Variants in PDE4D observed in about 807,000 individuals in gnomAD.
PDE4D encodes the protein phosphodiesterase 4D.
PDE4D carries 24 observed loss-of-function variants against 87.4 expected under a neutral mutation model. The ratio of observed to expected loss-of-function variants is 0.27; its 90% CI spans 0.20 to 0.39. PDE4D has a LOEUF of 0.39. Ranked by LOEUF, PDE4D falls within the 10% of genes least tolerant of loss-of-function variation. The pLI, the probability that PDE4D is intolerant of heterozygous loss-of-function variation, is 1.00. For missense variants in PDE4D, 714 were observed against 1,041.0 expected (o/e 0.69, Z 4.32); for synonymous variants, 384 against 383.2 (o/e 1.00, Z -0.02).
chr5:59,172,512 C>T (rs147786321), intron 5 of PDE4D, among the ~76,000 whole-genome samples: 6 of 148,642 alleles, frequency 4.0e-5, no homozygotes, highest in South Asian at 4.2e-4. Context: ...CTGGGCAACA[C>T]GGCAAAACGC....
intron 2 of PDE4D, among the ~76,000 whole-genome samples, chr5:59,214,304 T>C (rs1237313521): frequency 1.3e-5 from 2 of 152,184 alleles, no homozygotes; most frequent in African/African-American, 4.8e-5. Context: ...CCTCTGTGGC[T>C]CTCAGGTCCC....
intron 1 of PDE4D, among the ~76,000 whole-genome samples, chr5:59,462,100 G>T (rs1800867468): frequency 6.6e-6 from 1 of 152,026 alleles, no homozygotes; most frequent in South Asian, 2.1e-4. Context: ...TGTTTAGAAT[G>T]ATCAAATTAA....
chr5:59,358,838 G>A (rs1582145304), intron 1 of PDE4D, among the ~76,000 whole-genome samples: 1 of 152,116 alleles, frequency 6.6e-6, no homozygotes, highest in East Asian at 1.9e-4. Flanking sequence ...CTCTCATTTT[G>A]TCCAGTGGTG....
At chr5:59,117,394 T>G (rs1185506186) in intron 5 of PDE4D, among the ~76,000 whole-genome samples, 1 of 152,134 alleles carries the variant, frequency 6.6e-6, no homozygotes, top group East Asian at 1.9e-4. Flanking sequence ...AGACCAAGGC[T>G]TTCATGGCCT....
At position 59,086,810 on chromosome 5, in the gene PDE4D, G is replaced by C. The variant is rs530693182; in HGVS notation, c.809-47839C>G. 3.3e-5 allele frequency among the ~76,000 whole-genome samples: 5 copies of C among 152,232 alleles called. No individual in the cohort carries two copies. In the South Asian group the frequency reaches 1.0e-3, roughly 32 times the overall value. On this transcript the variant is annotated intron_variant, in intron 5 of 14. Transcript: ENST00000340635. ...AAAATCCTGGAAGTCACCAAGTTCT[G>C]TCTATTTTACTCTATAAATAACTAT...
intron 1 of PDE4D, among the ~76,000 whole-genome samples, chr5:59,812,672 C>CAA (rs34526503): frequency 1.4e-3 from 193 of 138,374 alleles, no homozygotes; most frequent in East Asian, 6.2e-4. Context: ...GACTCCATCT[C>CAA]AAAAAAAAAA....
intron 1 of PDE4D, among the ~76,000 whole-genome samples, chr5:60,433,065 CA>C (rs1744481317): frequency 6.6e-6 from 1 of 152,024 alleles, no homozygotes; most frequent in South Asian, 2.1e-4. Context: ...GCAACAAAAA[CA>C]AAAATTGACA....
intron 5 of PDE4D, among the ~76,000 whole-genome samples, chr5:59,068,662 A>C (rs115488975): frequency 0.011 from 1,613 of 152,324 alleles, 16 homozygotes; most frequent in Non-Finnish European, 0.013. Flanking sequence ...GAAGATCAAC[A>C]TGTAAGCACA....
intron 5 of PDE4D, among the ~76,000 whole-genome samples, chr5:59,134,358 G>A (rs1471367688): frequency 5.3e-5 from 8 of 151,592 alleles, no homozygotes; most frequent in East Asian, 3.9e-4. Flanking sequence ...TAAAATCAAC[G>A]GGACAATGGG....
intron 2 of PDE4D, among the ~76,000 whole-genome samples, chr5:60,150,587 C>T (rs899284756): frequency 4.6e-5 from 7 of 152,152 alleles, no homozygotes; most frequent in East Asian, 1.9e-4. Context: ...AAAATACTTT[C>T]GCATGGTAAA....
At chr5:59,238,506 G>C (rs552715663) in intron 1 of PDE4D, among the ~76,000 whole-genome samples, 12 of 152,126 alleles carry the variant, frequency 7.9e-5, no homozygotes, top group African/African-American at 2.2e-4. Flanking sequence ...GAATGGAGAA[G>C]GAAAAAAGGT....
intron 1 of PDE4D, among the ~76,000 whole-genome samples, chr5:59,578,850 C>A (rs1823598178): frequency 6.6e-6 from 1 of 152,128 alleles, no homozygotes; most frequent in Non-Finnish European, 1.5e-5. Context: ...AGCTCTGTAT[C>A]AGAATATTTC....
chr5:59,965,409 T>C (rs931798890), intron 3 of PDE4D, among the ~76,000 whole-genome samples: 1 of 152,284 alleles, frequency 6.6e-6, no homozygotes, highest in Admixed American at 6.5e-5. Flanking sequence ...AGATCTTCCA[T>C]GGTTACCCTA....
chr5:59,373,806 A>C (rs1378754525), intron 1 of PDE4D, among the ~76,000 whole-genome samples: 1 of 152,210 alleles, frequency 6.6e-6, no homozygotes, highest in Non-Finnish European at 1.5e-5. Context: ...TACAAAAGGA[A>C]GCCCATCAGA....
intron 4 of PDE4D, among the ~76,000 whole-genome samples, chr5:59,182,366 C>A (rs1011559508): frequency 1.5e-4 from 22 of 151,688 alleles, no homozygotes; most frequent in African/African-American, 5.3e-4. Flanking sequence ...CTAGTGATTC[C>A]CCCCACCACC....
chr5:59,237,313 A>T (rs1357358112), intron 1 of PDE4D, among the ~76,000 whole-genome samples: 4 of 152,144 alleles, frequency 2.6e-5, no homozygotes, highest in Non-Finnish European at 4.4e-5. Flanking sequence ...GGGTCTCCAT[A>T]CCATTTACTT....
chr5:60,317,273 A>G (rs555510697), intron 1 of PDE4D, among the ~76,000 whole-genome samples: 340 of 152,244 alleles, frequency 2.2e-3, no homozygotes, highest in African/African-American at 7.2e-3. Flanking sequence ...GTTTATTTGC[A>G]TAGAGGTGTT....
At chr5:59,444,376 G>T (rs1798058448) in intron 1 of PDE4D, among the ~76,000 whole-genome samples, 1 of 152,112 alleles carries the variant, frequency 6.6e-6, no homozygotes, top group Admixed American at 6.5e-5. Flanking sequence ...GTCCTCCTTG[G>T]ATCAAATATG....
At chr5:59,641,585 TG>T (rs1239322509) in intron 1 of PDE4D, among the ~76,000 whole-genome samples, 1 of 152,160 alleles carries the variant, frequency 6.6e-6, no homozygotes, top group Non-Finnish European at 1.5e-5. Context: ...CACTTTAAAA[TG>T]ATGTTACAAA....
Sources: allele counts gnomAD v4.1 joint callset (sites outside exome capture counted in the v4.1 genomes callset), GRCh38; gene constraint gnomAD v4.1.1; transcripts MANE v1.5; gene names NCBI Gene and HGNC (gene_info 2026-07-23, HGNC 2026-07-21).